Variants in DAB2IP observed in about 807,000 individuals in gnomAD.
The protein encoded by DAB2IP is disabled homolog 2-interacting protein.
In DAB2IP, 28 loss-of-function variants were observed where a neutral mutation model predicts 107.2. The observed-to-expected ratio is 0.26, with a 90% CI of 0.19 to 0.36. The LOEUF is 0.36. Among genes scored for constraint, DAB2IP ranks in the 10% least tolerant of loss-of-function variants. DAB2IP has a pLI of 1.00. For synonymous variants in DAB2IP, 755 were observed against 706.4 expected (o/e 1.07, Z -1.09); for missense variants, 1,400 against 1,644.7 (o/e 0.85, Z 2.57).
intron 1 of DAB2IP, among the ~76,000 whole-genome samples, chr9:121,631,658 A>G (rs900983657): frequency 3.9e-5 from 6 of 152,164 alleles, no homozygotes; most frequent in Middle Eastern, 3.4e-3. Context: ...TCTACTAAAA[A>G]TACAACAATT....
At chr9:121,618,859 C>T (rs1411651651) in intron 1 of DAB2IP, among the ~76,000 whole-genome samples, 1 of 152,066 alleles carries the variant, frequency 6.6e-6, no homozygotes, top group Non-Finnish European at 1.5e-5. Flanking sequence ...GTGGGGGTGG[C>T]GGGGCAGGGG....
At chr9:121,668,284 C>T (rs1397354350) in intron 1 of DAB2IP, among the ~76,000 whole-genome samples, 1 of 150,756 alleles carries the variant, frequency 6.6e-6, no homozygotes, top group African/African-American at 2.4e-5. Flanking sequence ...CCTCTGCCTC[C>T]CGGGTTCAAG....
rs1166447182 is a variant in DAB2IP at position 121,633,876 on chromosome 9, C to T, written c.41-44802C>T. 6.6e-6 allele frequency among the ~76,000 whole-genome samples: 1 copy of T among 152,252 alleles called. No individual in the cohort carries two copies. On this transcript the variant is annotated intron_variant, in intron 1 of 16. Coordinates refer to the DAB2IP transcript ENST00000259371. The surrounding 1 kb of genome is among the most constrained non-coding windows in gnomAD (Gnocchi z 5.1). ...GCCATGGGTCTGGGGCTGCTGCTCTCTTCCTCAACACCCTCAGCCTCTTGG... is the reference window on the plus strand; with the variant it reads ...GCCATGGGTCTGGGGCTGCTGCTCTTTTCCTCAACACCCTCAGCCTCTTGG...
intron 3 of DAB2IP, among the ~76,000 whole-genome samples, chr9:121,731,353 A>C (rs991431265): frequency 5.3e-5 from 8 of 152,176 alleles, no homozygotes; most frequent in African/African-American, 1.7e-4. Context: ...ATGTCACGGC[A>C]AGGAGGTTAA....
chr9:121,665,263 G>A (rs2119100536), intron 1 of DAB2IP, among the ~76,000 whole-genome samples: 1 of 152,304 alleles, frequency 6.6e-6, no homozygotes, highest in East Asian at 1.9e-4. Flanking sequence ...CAGCACTTTG[G>A]AAGGCCAAGG....
chr9:121,768,603 G>A, exon 10 of DAB2IP: 3 of 1,614,032 alleles, frequency 1.9e-6, no homozygotes, highest in Non-Finnish European at 2.5e-6. Flanking sequence ...TGCACTCACT[G>A]CTCTGGGAGG....
At chr9:121,621,813 A>AT (rs60287073) in intron 1 of DAB2IP, among the ~76,000 whole-genome samples, 4,687 of 143,060 alleles carry the variant, frequency 0.033, 240 homozygotes, top group African/African-American at 0.11. Flanking sequence ...CACCTGGCTA[A>AT]TTTTTTTTTT....
intron 12 of DAB2IP, 22 bp from the exon 13 acceptor site, chr9:121,774,238 T>C: frequency 6.4e-7 from 1 of 1,573,006 alleles, no homozygotes; most frequent in South Asian, 1.1e-5. Flanking sequence ...CTGCAGCCCC[T>C]CACAGCTGTG....
At chr9:121,673,542 C>T (rs1564148015) in intron 1 of DAB2IP, among the ~76,000 whole-genome samples, 1 of 152,036 alleles carries the variant, frequency 6.6e-6, no homozygotes, top group African/African-American at 2.4e-5. Flanking sequence ...TGTACAAAGC[C>T]CAGTATACAC....
chr9:121,647,814 C>CATATATATACATACATATACATATATATT (rs1014085210), upstream of DAB2IP, among the ~76,000 whole-genome samples: 4 of 148,830 alleles, frequency 2.7e-5, no homozygotes, highest in African/African-American at 4.9e-5. Context: ...CATATATACA[C>CATATATATACATACATATACATATATATT]ATATATATAC....
intron 1 of DAB2IP, among the ~76,000 whole-genome samples, chr9:121,593,675 T>C (rs1440937398): frequency 8.6e-5 from 1 of 11,590 alleles, no homozygotes; most frequent in Non-Finnish European, 1.3e-4. Context: ...TTTTTTTTCT[T>C]TTTTTTTTTT....
chr9:121,745,931 G>A (rs899276107), intron 3 of DAB2IP, among the ~76,000 whole-genome samples: 2 of 152,320 alleles, frequency 1.3e-5, no homozygotes, highest in Middle Eastern at 3.4e-3. Flanking sequence ...GCATTTGTTC[G>A]TAGATTTGTC....
intron 1 of DAB2IP, among the ~76,000 whole-genome samples, chr9:121,668,271 C>T (rs1833531667): frequency 6.7e-6 from 1 of 150,356 alleles, no homozygotes. Context: ...CCACTCACTG[C>T]AACCTCTGCC....
Position 121,591,190 on chromosome 9 carries a change from C to T in DAB2IP, c.40+23962C>T, listed in dbSNP as rs1830416151. On this transcript the variant is annotated intron_variant, in intron 1 of 16. Coordinates refer to the DAB2IP transcript ENST00000259371. The stretch of plus-strand genomic sequence containing the variant: ...AGATGGCAAGAAATGAGGCTAGGGC[C>T]AGGCATGGTAGCTTATGCCTGTAAT... Among the ~76,000 whole-genome samples, 3 of 152,160 alleles carry T rather than the reference C, an allele frequency of 2.0e-5. No individual in the cohort carries two copies. The South Asian group carries it at 6.2e-4, about 32-fold the overall frequency.
At chr9:121,737,161 T>G (rs548375666) in intron 3 of DAB2IP, 1 of 985,126 alleles carries the variant, frequency 1.0e-6, no homozygotes, top group East Asian at 1.1e-4. Flanking sequence ...TCCTCCCTCT[T>G]TCTTGACCCA....
intron 1 of DAB2IP, among the ~76,000 whole-genome samples, chr9:121,645,381 A>G (rs1832500514): frequency 6.6e-6 from 1 of 152,308 alleles, no homozygotes; most frequent in Middle Eastern, 3.4e-3. Flanking sequence ...CAGGGCAGCC[A>G]GTATGGAGGG....
At chr9:121,775,999 T>TGG (rs1835172968) in intron 13 of DAB2IP, among the ~76,000 whole-genome samples, 199 bp from the exon 14 acceptor site, 1 of 152,178 alleles carries the variant, frequency 6.6e-6, no homozygotes, top group South Asian at 2.1e-4. Context: ...GGCCCCACGG[T>TGG]GGGGCACAGG....
At chr9:121,583,146 G>A (rs1323433156) in intron 1 of DAB2IP, among the ~76,000 whole-genome samples, 1 of 152,246 alleles carries the variant, frequency 6.6e-6, no homozygotes, top group Non-Finnish European at 1.5e-5. Context: ...CAACACTTTG[G>A]GAGGCCAAGG....
At chr9:121,755,300 G>C (rs559390954) in intron 3 of DAB2IP, among the ~76,000 whole-genome samples, 166 of 152,356 alleles carry the variant, frequency 1.1e-3, no homozygotes, top group Non-Finnish European at 2.1e-3. Flanking sequence ...GGACCTCCCA[G>C]GGAGAGTGCC....
Sources: gnomAD v4.1 joint callset for allele counts (sites outside exome capture counted in the v4.1 genomes callset) on GRCh38, gnomAD v4.1.1 for gene constraint, Gnocchi (gnomAD v3.1) non-coding constraint, MANE v1.5 for transcripts, NCBI Gene and HGNC (gene_info 2026-07-23, HGNC 2026-07-21) for gene names.